ITPKB: variants seen among roughly 807,000 people sequenced by gnomAD.
The protein encoded by ITPKB is IP3 3-kinase B.
In ITPKB, 13 loss-of-function variants were observed where a neutral mutation model predicts 69.4. That is an observed-to-expected ratio of 0.19 (90% CI 0.12 to 0.30). The LOEUF (loss-of-function observed/expected upper bound fraction) is 0.30. ITPKB is among the 10% of genes least tolerant of loss of function. The pLI, the probability that ITPKB is intolerant of heterozygous loss-of-function variation, is 1.00. For missense variants in ITPKB, 1,240 were observed against 1,250.5 expected (o/e 0.99, Z 0.13); for synonymous variants, 584 against 513.7 (o/e 1.14, Z -1.85).
chr1:226,731,914 C>T (rs954382390), intron 2 of ITPKB, among the ~76,000 whole-genome samples: 2 of 152,054 alleles, frequency 1.3e-5, no homozygotes, highest in Admixed American at 6.5e-5. Context: ...TAAAAGTATT[C>T]ACCAACAGAT....
intron 2 of ITPKB, among the ~76,000 whole-genome samples, chr1:226,665,238 G>A (rs950987624): frequency 1.3e-5 from 2 of 152,158 alleles, no homozygotes; most frequent in Non-Finnish European, 2.9e-5. Flanking sequence ...GCTGACACAG[G>A]TCACCTGCCC....
chr1:226,658,586 C>G (rs989397472), intron 2 of ITPKB, among the ~76,000 whole-genome samples: 2 of 152,182 alleles, frequency 1.3e-5, no homozygotes, highest in Admixed American at 6.5e-5. Flanking sequence ...GAAAATCCCC[C>G]TAAATGCCAA....
intron 2 of ITPKB, among the ~76,000 whole-genome samples, chr1:226,699,567 C>T (rs1451353706): frequency 6.6e-6 from 1 of 152,192 alleles, no homozygotes; most frequent in East Asian, 1.9e-4. Flanking sequence ...ATTAGGAGGA[C>T]TAAATAAGCC....
chr1:226,656,602 C>T (rs1392609584), intron 2 of ITPKB: 1 of 152,270 alleles, frequency 6.6e-6, no homozygotes, highest in Non-Finnish European at 1.5e-5. Flanking sequence ...GGTTTCACCA[C>T]CTTGCAAATT....
intron 2 of ITPKB, among the ~76,000 whole-genome samples, chr1:226,669,911 T>TC (rs1384710318): frequency 6.6e-6 from 1 of 151,276 alleles, no homozygotes; most frequent in African/African-American, 2.4e-5. Flanking sequence ...TCTCGAACTG[T>TC]CGCCCAGGCT....
intron 2 of ITPKB, among the ~76,000 whole-genome samples, chr1:226,734,212 T>C (rs1209261843): frequency 6.6e-6 from 1 of 152,228 alleles, no homozygotes; most frequent in African/African-American, 2.4e-5. Flanking sequence ...GGCCCTGTCC[T>C]AGCCACAAAA....
intron 2 of ITPKB, among the ~76,000 whole-genome samples, chr1:226,680,746 C>G (rs1434295501): frequency 6.6e-6 from 1 of 152,136 alleles, no homozygotes; most frequent in Non-Finnish European, 1.5e-5. Flanking sequence ...TACTGTTGGC[C>G]AAGAGACATT....
At chr1:226,702,945 A>C (rs905414854) in intron 2 of ITPKB, among the ~76,000 whole-genome samples, 1 of 152,098 alleles carries the variant, frequency 6.6e-6, no homozygotes, top group African/African-American at 2.4e-5. Context: ...ATCCACACTG[A>C]CCCTATCGAG....
At chr1:226,655,073 G>A (rs1200068104) in intron 2 of ITPKB, among the ~76,000 whole-genome samples, 1 of 150,866 alleles carries the variant, frequency 6.6e-6, no homozygotes, top group Non-Finnish European at 1.5e-5. Context: ...AGGAGGTGGG[G>A]AGGAGGGGAG....
chr1:226,647,275 G>A lies in ITPKB; in HGVS notation c.2138C>T (p.Pro713Leu). 6.2e-7 allele frequency: 1 copy of A among 1,614,192 alleles called. No individual in the cohort carries two copies. The highest frequency in any genetic ancestry group is 8.5e-7 in the Non-Finnish European group (1 of 1,180,006). The change falls in exon 4 of 8, where the codon CCT becomes CTT. Residue 713 changes from proline to leucine, a missense_variant. By Grantham distance (98) the Pro-to-Leu change is moderately conservative. Around this residue, in one of 2 missense-constraint regions of ITPKB, gnomAD observed 248 missense variants for 396.7 expected, o/e 0.63. Transcript: ENST00000429204. Reference protein sequence around the residue: ...LMVDVLRPFVPAYHGDVVKDG... With the variant: ...LMVDVLRPFVLAYHGDVVKDG... Reference sequence around the variant, plus strand: ...CTTCACCACATCCCCATGGTAGGCAGGTACGAAGGGCCTCAGCACATCCAC... The same window carrying A: ...CTTCACCACATCCCCATGGTAGGCAAGTACGAAGGGCCTCAGCACATCCAC...
At chr1:226,649,520 T>C (rs929854126) in intron 2 of ITPKB, among the ~76,000 whole-genome samples, 1 of 148,858 alleles carries the variant, frequency 6.7e-6, no homozygotes, top group Non-Finnish European at 1.5e-5. Context: ...TGTGCATGTG[T>C]GTGATGTGTG....
At chr1:226,709,212 T>C (rs557369817) in intron 2 of ITPKB, among the ~76,000 whole-genome samples, 3 of 152,322 alleles carry the variant, frequency 2.0e-5, no homozygotes, top group Non-Finnish European at 4.4e-5. Context: ...ACGTTTGGAT[T>C]TTAGATAAAC....
intron 2 of ITPKB, among the ~76,000 whole-genome samples, chr1:226,681,906 A>G (rs1656101383): frequency 6.6e-6 from 1 of 152,248 alleles, no homozygotes; most frequent in Non-Finnish European, 1.5e-5. Flanking sequence ...TTATAAGCTC[A>G]TAGGCTGAAT....
At position 226,634,976 on chromosome 1, in the gene ITPKB, G is replaced by C. The variant is rs992971087; in HGVS notation, c.2626-90C>G. On this transcript the variant is annotated intron_variant, in intron 7 of 7. Transcript: ENST00000429204. The surrounding 1 kb of genome is among the most constrained non-coding windows in gnomAD (Gnocchi z 6.3). ...GGGGCCTGGGTGACCAGGTGGGGAG[G>C]CTCGCTCAGGCCGGACAGTTGGGTG... is the stretch of plus-strand genomic sequence containing the variant. 4 of 950,622 alleles carry C rather than the reference G, an allele frequency of 4.2e-6. No homozygotes were observed. Among genetic ancestry groups the C allele is most frequent in the Non-Finnish European group, 6.4e-6 (4 of 625,718 alleles). The allele number at this position is 950,622 out of a possible 1,614,324, so 58.9% of individuals were successfully genotyped here. A position where few individuals can be genotyped will look rare whatever the true frequency, so the allele number is the denominator to read the frequency against.
intron 2 of ITPKB, among the ~76,000 whole-genome samples, chr1:226,682,956 G>A (rs1656122682): frequency 6.6e-6 from 1 of 152,166 alleles, no homozygotes; most frequent in African/African-American, 2.4e-5. Flanking sequence ...CAATCAGACT[G>A]GATTGTGTCA....
chr1:226,663,329 G>A (rs1276700886), intron 2 of ITPKB, among the ~76,000 whole-genome samples: 1 of 152,094 alleles, frequency 6.6e-6, no homozygotes, highest in Non-Finnish European at 1.5e-5. Flanking sequence ...CAGAGGCAAA[G>A]GTGCGCTCCT....
rs1376402405 is a variant in ITPKB at position 226,736,557 on chromosome 1, G to A, written c.902C>T (p.Thr301Met). 4.3e-6 allele frequency: 7 copies of A among 1,613,900 alleles called. No individual in the cohort carries two copies. Reference protein sequence around the residue: ...PSLGLFGASLTMATEVAARVT... With the variant: ...PSLGLFGASLMMATEVAARVT... Reference sequence around the variant, plus strand: ...TCTCGCTGCCACTTCCGTGGCCATCGTTAAGCTAGCTCCGAACAGCCCCAA... The same window carrying A: ...TCTCGCTGCCACTTCCGTGGCCATCATTAAGCTAGCTCCGAACAGCCCCAA... The change falls in exon 2 of 8, where the codon ACG (threonine) becomes ATG (methionine). Residue 301 changes from threonine to methionine, a missense_variant. By Grantham distance (81) the Thr-to-Met change is moderately conservative (BLOSUM62 -1). This residue lies in a region of ITPKB where 992 missense variants were observed against 853.8 expected (regional missense o/e 1.16). Transcript: ENST00000429204.
intron 2 of ITPKB, among the ~76,000 whole-genome samples, chr1:226,680,863 C>T (rs573282754): frequency 6.6e-6 from 1 of 152,302 alleles, no homozygotes; most frequent in Non-Finnish European, 1.5e-5. Flanking sequence ...TGTTCAGCCC[C>T]ATCCTGGGTG....
In ITPKB at chr1:226,634,755, C is replaced by T. The variant is rs934129942; in HGVS notation, c.2757G>A (p.Gly919=). The change falls in exon 8 of 8, where the codon GGG becomes GGA. Residue 919 remains glycine, a synonymous_variant. Coordinates refer to ENST00000429204, the MANE Select transcript of ITPKB (RefSeq NM_002221.4). The surrounding 1 kb of genome is among the most constrained non-coding windows in gnomAD (Gnocchi z 6.3). ...CCGAGAGGTAGCCATCCTCCCGGTT[C>T]CCCTCCTGCCAGGGGACGTCATGCT... ...TLQHDVPWQE[G]NREDGYLSGL... 9 of 1,339,958 alleles carry T rather than the reference C, an allele frequency of 6.7e-6. No individual in the cohort carries two copies. The East Asian group carries it at 1.8e-4, about 27-fold the overall frequency. The allele number at this position is 1,339,958 out of a possible 1,614,324, so 83.0% of individuals were successfully genotyped here. A position where few individuals can be genotyped will look rare whatever the true frequency, so the allele number is the denominator to read the frequency against.
Sources: gnomAD v4.1 joint callset for allele counts (sites outside exome capture counted in the v4.1 genomes callset) on GRCh38, gnomAD v4.1.1 for gene constraint, gnomAD v4.1.1 regional missense constraint, Gnocchi (gnomAD v3.1) non-coding constraint, MANE v1.5 for transcripts, NCBI Gene and HGNC (gene_info 2026-07-23, HGNC 2026-07-21) for gene names.